Variants in SMAD4 observed in about 807,000 individuals in gnomAD.
SMAD4 encodes the protein MAD homolog 4.
Under a neutral mutation model 63.2 loss-of-function variants are expected in SMAD4, and 7 were observed. The observed-to-expected ratio is 0.11, with a 90% CI of 0.06 to 0.21. SMAD4 has a LOEUF of 0.21. Among genes scored for constraint, SMAD4 ranks in the 10% least tolerant of loss-of-function variants. The probability of loss-of-function intolerance (pLI) is 1.00; values close to 1 mark genes in which losing one functional copy is unlikely to be tolerated. For missense variants in SMAD4, 312 were observed against 693.8 expected, an observed-to-expected ratio of 0.45 and a Z score of 6.18; for synonymous variants, 215 against 235.4, an observed-to-expected ratio of 0.91 and a Z score of 0.79.
At chr18:51,035,447 C>T (rs1045004107) in intron 1 of SMAD4, among the ~76,000 whole-genome samples, 1 of 152,088 alleles carries the variant, frequency 6.6e-6, no homozygotes, top group South Asian at 2.1e-4. Context: ...GAGGCTAAGG[C>T]AAGAGGATCA....
intron 10 of SMAD4, among the ~76,000 whole-genome samples, chr18:51,075,157 A>G (rs765054163): frequency 2.6e-5 from 4 of 152,220 alleles, no homozygotes; most frequent in Non-Finnish European, 4.4e-5. Flanking sequence ...TTTTGAGGAA[A>G]TGGACACTGA....
At position 51,065,714 on chromosome 18, in the gene SMAD4, A is replaced by G. The variant is rs1467184430; in HGVS notation, c.1139+108A>G. 4 of 788,942 alleles carry G rather than the reference A, an allele frequency of 5.1e-6. No individual in the cohort carries two copies. In the East Asian group the frequency reaches 1.1e-4, roughly 21 times the overall value. The allele number at this position is 788,942 out of a possible 1,614,324, so 48.9% of individuals were successfully genotyped here. On this transcript the variant is annotated intron_variant, in intron 9 of 11. Transcript: ENST00000342988. ...TACATTATATGTGTTCTTAAATATAAATAAAGGAATAAAGGTCATGTTGAA... is the reference window on the plus strand; with the variant it reads ...TACATTATATGTGTTCTTAAATATAGATAAAGGAATAAAGGTCATGTTGAA...
intron 1 of SMAD4, among the ~76,000 whole-genome samples, chr18:51,045,755 A>G (rs1456997199): frequency 6.6e-6 from 1 of 152,116 alleles, no homozygotes; most frequent in African/African-American, 2.4e-5. Flanking sequence ...TTTCATTATA[A>G]CAAAGAAACA....
intron 1 of SMAD4, among the ~76,000 whole-genome samples, chr18:51,041,640 G>A (rs1909386536): frequency 6.6e-6 from 1 of 152,104 alleles, no homozygotes; most frequent in Non-Finnish European, 1.5e-5. Context: ...TTATGACTTT[G>A]GCCAGTCAAA....
rs1910701382 is a variant in SMAD4, at chr18:51,084,517, T to C, written c.*6050T>C. On this transcript the variant is annotated 3_prime_UTR_variant, in exon 12 of 12. Coordinates refer to ENST00000342988, the MANE Select transcript of SMAD4 (RefSeq NM_005359.6). ...TTGGGGCTGGGTTGAGGGTGGGGGG[T>C]TGGGGAGTCCTGGTAGAGGCCAGCT... 2 of 217,344 alleles carry C rather than the reference T, an allele frequency of 9.2e-6. No individual in the cohort carries two copies. Among genetic ancestry groups the C allele is most frequent in the South Asian group, 3.8e-4 (2 of 5,332 alleles). 13.5% of individuals were successfully genotyped at this position (217,344 alleles called of 1,614,324 possible).
At chr18:51,075,587 TAAAC>T (rs1290799307) in intron 10 of SMAD4, among the ~76,000 whole-genome samples, 1 of 152,130 alleles carries the variant, frequency 6.6e-6, no homozygotes, top group African/African-American at 2.4e-5. Flanking sequence ...AAAATGCAAA[TAAAC>T]AAATATTTTA....
Position 51,056,532 on chromosome 18 carries a change from A to G in SMAD4, c.667+1539A>G, listed in dbSNP as rs569940858. Among the ~76,000 whole-genome samples, 97 of 150,494 alleles carry G rather than the reference A, an allele frequency of 6.4e-4. 1 individual carries two copies. Among genetic ancestry groups the G allele is most frequent in the African/African-American group, 2.2e-3 (92 of 40,974 alleles). On this transcript the variant is annotated intron_variant, in intron 5 of 11. Transcript: ENST00000342988. ...TGCTCCGGGGGCTGAGGCAGGAGAA[A>G]TGGCGTGAACCCGGGAGGCGGAGCT...
At chr18:51,076,083 T>TTTG (rs946370698) in intron 10 of SMAD4, among the ~76,000 whole-genome samples, 1 of 152,220 alleles carries the variant, frequency 6.6e-6, no homozygotes, top group Non-Finnish European at 1.5e-5. Flanking sequence ...ATCTAGTCTT[T>TTTG]TTGTTGTTGT....
chr18:51,068,187 T>TA (rs1910214956), intron 10 of SMAD4, among the ~76,000 whole-genome samples: 1 of 152,216 alleles, frequency 6.6e-6, no homozygotes, highest in African/African-American at 2.4e-5. Flanking sequence ...TCATTTCCAG[T>TA]TATAGTTCAG....
chr18:51,084,008 GCGCGCACA>G lies in SMAD4; in HGVS notation c.*5543_*5550del, dbSNP rs1910680960. 9 of 65,524 alleles carry G rather than the reference GCGCGCACA, an allele frequency of 1.4e-4. No individual in the cohort carries two copies. The highest frequency in any genetic ancestry group is 4.0e-4 in the African/African-American group (7 of 17,554). The allele number at this position is 65,524 out of a possible 1,614,324, so 4.1% of individuals were successfully genotyped here. On this transcript the variant is annotated 3_prime_UTR_variant, in exon 12 of 12. Coordinates refer to ENST00000342988, the MANE Select transcript of SMAD4 (RefSeq NM_005359.6). ...ACACTTAACGCGCGTGCGCACGCGCGCGCGCACACACACACACACACACACACACACAC... is the reference window on the plus strand; with the variant it reads ...ACACTTAACGCGCGTGCGCACGCGCGCACACACACACACACACACACACAC...
At chr18:51,077,419 G>A (rs1910498215) in intron 11 of SMAD4, 2 of 983,610 alleles carry the variant, frequency 2.0e-6, no homozygotes, top group African/African-American at 1.8e-5. Flanking sequence ...TCTTCAGTGT[G>A]GTAAGCAAAT....
chr18:51,049,023 G>A (rs1261125046), intron 3 of SMAD4, among the ~76,000 whole-genome samples, 163 bp downstream of exon 3: 1 of 152,122 alleles, frequency 6.6e-6, no homozygotes, highest in Non-Finnish European at 1.5e-5. Context: ...TTTGAATTTA[G>A]GAACAAACTT....
At chr18:51,034,376 A>G (rs765884611) in intron 1 of SMAD4, among the ~76,000 whole-genome samples, 8 of 151,498 alleles carry the variant, frequency 5.3e-5, no homozygotes, top group South Asian at 2.1e-4. Flanking sequence ...CCTCCCGAGT[A>G]GCTGAGATTA....
chr18:51,050,907 G>A (rs779776560), intron 4 of SMAD4, among the ~76,000 whole-genome samples: 2 of 151,976 alleles, frequency 1.3e-5, no homozygotes, highest in Non-Finnish European at 2.9e-5. Flanking sequence ...GTGATTAGTA[G>A]GTTTCTGACA....
intron 1 of SMAD4, among the ~76,000 whole-genome samples, chr18:51,046,609 C>T (rs1459770190): frequency 6.6e-6 from 1 of 151,954 alleles, no homozygotes; most frequent in African/African-American, 2.4e-5. Context: ...TAAGATTTTC[C>T]TTTAGGGTGA....
Position 51,080,748 on chromosome 18 carries a change from C to G in SMAD4, c.*2281C>G, listed in dbSNP as rs963175839. The G allele has an allele frequency of 1.7e-5, 3 of 172,420 alleles. No individual in the cohort carries two copies. The highest frequency in any genetic ancestry group is 3.8e-5 in the Non-Finnish European group (3 of 79,684). 10.7% of individuals were successfully genotyped at this position (172,420 alleles called of 1,614,324 possible). A position where few individuals can be genotyped will look rare whatever the true frequency, so the allele number is the denominator to read the frequency against. ...GTAGAGACGGGGTTTTGCCTGTTGG[C>G]CAGGCTGGTCTTGAACTCCTGACCT... On this transcript the variant is annotated 3_prime_UTR_variant, in exon 12 of 12. Coordinates refer to ENST00000342988, the MANE Select transcript of SMAD4 (RefSeq NM_005359.6).
chr18:51,051,719 T>G (rs1210541789), intron 4 of SMAD4, among the ~76,000 whole-genome samples: 1 of 152,172 alleles, frequency 6.6e-6, no homozygotes, highest in Non-Finnish European at 1.5e-5. Context: ...TTGCTGGTGA[T>G]GATAAAGAAC....
At chr18:51,038,940 C>T (rs570472803) in intron 1 of SMAD4, among the ~76,000 whole-genome samples, 99 of 152,140 alleles carry the variant, frequency 6.5e-4, no homozygotes, top group Non-Finnish European at 1.3e-3. Context: ...AACCCTTTCT[C>T]TACTAAACAT....
At chr18:51,050,657 T>C (rs1909682622) in intron 4 of SMAD4, among the ~76,000 whole-genome samples, 1 of 138,518 alleles carries the variant, frequency 7.2e-6, no homozygotes, top group African/African-American at 2.8e-5. Flanking sequence ...AGACTCTGTC[T>C]CAAAAAAAAA....
Sources: gnomAD v4.1 joint callset for allele counts (sites outside exome capture counted in the v4.1 genomes callset) on GRCh38, gnomAD v4.1.1 for gene constraint, MANE v1.5 for transcripts, NCBI Gene and HGNC (gene_info 2026-07-23, HGNC 2026-07-21) for gene names.